ZNF804B: variants seen among roughly 807,000 people sequenced by gnomAD.
ZNF804B encodes zinc finger protein 804B.
In ZNF804B, 80 loss-of-function variants were observed where a neutral mutation model predicts 101.4. That is an observed-to-expected ratio of 0.79 (90% confidence interval 0.66 to 0.95). The LOEUF is 0.95. Ranked by LOEUF, ZNF804B falls within the 40% of genes least tolerant of loss-of-function variation. The pLI, the probability that ZNF804B is intolerant of heterozygous loss-of-function variation, is 0.00. For synonymous variants in ZNF804B, 622 were observed against 558.8 expected, an observed-to-expected ratio of 1.11 and a Z score of -1.59; for missense variants, 1,673 against 1,561.9, an observed-to-expected ratio of 1.07 and a Z score of -1.20.
chr7:89,329,888 C>T (rs973258322), intron 3 of ZNF804B, among the ~76,000 whole-genome samples: 6 of 151,516 alleles, frequency 4.0e-5, no homozygotes, highest in African/African-American at 9.7e-5. Flanking sequence ...AAATGGAACA[C>T]GAAAGAATGA....
At position 89,136,764 on chromosome 7, in the gene ZNF804B, T is replaced by TGTGC. The variant is rs1554368480; in HGVS notation, c.109-81390_109-81389insTGCG. On this transcript the variant is annotated intron_variant, in intron 1 of 3. Coordinates refer to ENST00000333190, the MANE Select transcript of ZNF804B (RefSeq NM_181646.5). ...GTGTGTGTGTGTGTGTGTGTGTGTG[T>TGTGC]GCGCGCACGTGTGTGATGATTTGGC... Among the ~76,000 whole-genome samples, 1,129 of 146,484 alleles carry TGTGC rather than the reference T, an allele frequency of 7.7e-3. 38 individuals carry two copies. Among genetic ancestry groups the TGTGC allele is most frequent in the East Asian group, 0.039 (197 of 5,082 alleles).
chr7:89,066,542 AT>A (rs1789457225), intron 1 of ZNF804B, among the ~76,000 whole-genome samples: 1 of 152,186 alleles, frequency 6.6e-6, no homozygotes, highest in Non-Finnish European at 1.5e-5. Flanking sequence ...GGCCAAAATT[AT>A]CCTTAATTAA....
intron 1 of ZNF804B, among the ~76,000 whole-genome samples, chr7:89,177,524 C>T (rs1791339096): frequency 6.6e-6 from 1 of 152,058 alleles, no homozygotes; most frequent in Non-Finnish European, 1.5e-5. Flanking sequence ...CGTTTTGTGG[C>T]CAAATATGTT....
At chr7:88,882,844 G>T (rs1165705283) in intron 1 of ZNF804B, among the ~76,000 whole-genome samples, 3 of 151,938 alleles carry the variant, frequency 2.0e-5, no homozygotes, top group Non-Finnish European at 4.4e-5. Context: ...AGTAGATACT[G>T]GGGGGACTAT....
chr7:88,911,735 A>AT (rs916431403), intron 1 of ZNF804B, among the ~76,000 whole-genome samples: 3 of 151,798 alleles, frequency 2.0e-5, no homozygotes, highest in African/African-American at 7.2e-5. Flanking sequence ...ACACAGCCAT[A>AT]TAACTACATC....
At chr7:88,984,645 A>G (rs1793735275) in intron 1 of ZNF804B, among the ~76,000 whole-genome samples, 1 of 152,092 alleles carries the variant, frequency 6.6e-6, no homozygotes, top group Admixed American at 6.6e-5. Context: ...CAATGCAAAA[A>G]TTCTTGAATT....
chr7:89,141,807 G>A (rs1790722024), intron 1 of ZNF804B, among the ~76,000 whole-genome samples: 1 of 151,008 alleles, frequency 6.6e-6, no homozygotes. Context: ...TTTTTTTCTA[G>A]GAATTTTGAC....
chr7:88,799,853 G>A (rs967118356), intron 1 of ZNF804B, among the ~76,000 whole-genome samples: 6 of 152,020 alleles, frequency 3.9e-5, no homozygotes, highest in African/African-American at 1.4e-4. Context: ...GGGTAACTCT[G>A]GAGTTTTCTT....
At chr7:89,320,801 G>A (rs776042391) in intron 2 of ZNF804B, among the ~76,000 whole-genome samples, 1 of 151,884 alleles carries the variant, frequency 6.6e-6, no homozygotes, top group Non-Finnish European at 1.5e-5. Context: ...ATACAAGAAA[G>A]CAATAATAAG....
intron 1 of ZNF804B, among the ~76,000 whole-genome samples, chr7:88,809,479 G>A (rs1171606401): frequency 2.0e-5 from 3 of 151,966 alleles, no homozygotes; most frequent in Non-Finnish European, 4.4e-5. Context: ...AATTTTAAAG[G>A]AATTGTCTTT....
intron 1 of ZNF804B, among the ~76,000 whole-genome samples, chr7:89,028,115 A>G (rs1304584793): frequency 6.6e-6 from 1 of 152,142 alleles, no homozygotes; most frequent in Non-Finnish European, 1.5e-5. Flanking sequence ...AGTGGTACAT[A>G]ATTATAGAGT....
chr7:89,179,299 C>T (rs751674185), intron 1 of ZNF804B, among the ~76,000 whole-genome samples: 7 of 151,778 alleles, frequency 4.6e-5, no homozygotes, highest in African/African-American at 7.3e-5. Flanking sequence ...TTAGATTTGC[C>T]CTTTTGAGGC....
intron 1 of ZNF804B, among the ~76,000 whole-genome samples, chr7:89,146,304 A>T (rs1050505590): frequency 6.6e-6 from 1 of 152,100 alleles, no homozygotes; most frequent in Non-Finnish European, 1.5e-5. Context: ...TTATAAGCCT[A>T]TTAGGATGTG....
Position 89,268,139 on chromosome 7 carries a change from T to A in ZNF804B, c.249+49844T>A, listed in dbSNP as rs539812166. 1.4e-4 allele frequency among the ~76,000 whole-genome samples: 21 copies of A among 152,236 alleles called. No homozygotes were observed. The South Asian group carries it at 4.1e-3, about 30-fold the overall frequency. ...TTAAAAACAGCATTCTTACTAAAAGTAATGACTACTTTTCTTTCTTCATAG... is the reference window on the plus strand; with the variant it reads ...TTAAAAACAGCATTCTTACTAAAAGAAATGACTACTTTTCTTTCTTCATAG... On this transcript the variant is annotated intron_variant, in intron 2 of 3. Transcript: ENST00000333190.
intron 1 of ZNF804B, among the ~76,000 whole-genome samples, chr7:89,054,825 TC>T (rs928390383): frequency 1.2e-4 from 18 of 152,128 alleles, no homozygotes; most frequent in African/African-American, 4.1e-4. Flanking sequence ...TCATACTTTT[TC>T]CCCTTCCTCC....
At chr7:89,271,787 T>TTTAGTCTTG (rs1789901078) in intron 2 of ZNF804B, among the ~76,000 whole-genome samples, 1 of 152,146 alleles carries the variant, frequency 6.6e-6, no homozygotes, top group African/African-American at 2.4e-5. Flanking sequence ...TTCTTCCTGG[T>TTTAGTCTTG]TTAGTCTTGG....
chr7:88,774,998 A>G (rs1188733234), intron 1 of ZNF804B, among the ~76,000 whole-genome samples: 1 of 152,218 alleles, frequency 6.6e-6, no homozygotes, highest in Non-Finnish European at 1.5e-5. Flanking sequence ...TCCTTACTAC[A>G]TACTGGGTAC....
intron 1 of ZNF804B, among the ~76,000 whole-genome samples, chr7:89,172,906 T>C (rs1056513628): frequency 2.0e-5 from 3 of 152,152 alleles, no homozygotes; most frequent in Admixed American, 6.6e-5. Flanking sequence ...CTTTAATAAG[T>C]AGAGCTAATT....
At chr7:88,863,095 C>T (rs948480085) in intron 1 of ZNF804B, among the ~76,000 whole-genome samples, 1 of 152,210 alleles carries the variant, frequency 6.6e-6, no homozygotes, top group African/African-American at 2.4e-5. Context: ...TCATCTTGTA[C>T]TACTGTCTCC....
Sources: gnomAD v4.1 joint callset for allele counts (sites outside exome capture counted in the v4.1 genomes callset) on GRCh38, gnomAD v4.1.1 for gene constraint, MANE v1.5 for transcripts, NCBI Gene and HGNC (gene_info 2026-07-23, HGNC 2026-07-21) for gene names.